Variants in YAE1 observed in about 807,000 individuals in gnomAD.
YAE1 encodes the protein protein YAE1 homolog.
A neutral mutation model predicts 23.0 loss-of-function variants in YAE1; 22 were observed. The observed-to-expected ratio is 0.96, with a 90% CI of 0.68 to 1.37. YAE1 has a LOEUF of 1.37. Ranked by LOEUF, YAE1 falls within the 40% of genes most tolerant of loss-of-function variation. The pLI is 0.00. For synonymous variants in YAE1, 101 were observed against 97.0 expected (o/e 1.04, Z -0.24); for missense variants, 260 against 262.1 (o/e 0.99, Z 0.06).
At chr7:39,610,016 G>A (rs1261198943) in exon 3 of YAE1, 2 of 1,500,928 alleles carry the variant, frequency 1.3e-6, no homozygotes, top group East Asian at 4.9e-5. Context: ...GGCAGCTTGT[G>A]CTTAGGAAAG....
At chr7:39,593,806 T>A (rs1790939073) in intron 2 of YAE1, among the ~76,000 whole-genome samples, 1 of 152,226 alleles carries the variant, frequency 6.6e-6, no homozygotes, top group South Asian at 2.1e-4. Context: ...TCCTATATGT[T>A]CATTCATTTA....
rs1238188859 is a variant in YAE1, at chr7:39,601,749, ACT to A, written c.252-7865_252-7864del. ...ACTCCAGCCTGGATGACAGAGCCAG[ACT>A]CTGTCTCAAAAAAAAAAAAAAAAAA... On this transcript the variant is annotated intron_variant, in intron 2 of 2. Transcript: ENST00000432096. Among the ~76,000 whole-genome samples, 8 of 112,088 alleles carry A rather than the reference ACT, an allele frequency of 7.1e-5. 1 individual carries two copies. The highest frequency in any genetic ancestry group is 1.5e-4 in the Non-Finnish European group (8 of 53,230). 73.5% of individuals were successfully genotyped at this position (112,088 alleles called of 152,430 possible). A position where few individuals can be genotyped will look rare whatever the true frequency, so the allele number is the denominator to read the frequency against.
chr7:39,604,975 GT>G (rs1481764755), intron 2 of YAE1, among the ~76,000 whole-genome samples: 1 of 152,216 alleles, frequency 6.6e-6, no homozygotes, highest in African/African-American at 2.4e-5. Context: ...ACTCTGAGTA[GT>G]TCCAAAGGTT....
downstream of YAE1, among the ~76,000 whole-genome samples, chr7:39,573,715 A>G (rs1489382373): frequency 6.6e-6 from 1 of 152,198 alleles, no homozygotes; most frequent in Admixed American, 6.5e-5. Flanking sequence ...CTGACAAAGT[A>G]TATCTTTTCA....
intron 2 of YAE1, among the ~76,000 whole-genome samples, chr7:39,602,614 A>G (rs1296082359): frequency 6.6e-6 from 1 of 152,250 alleles, no homozygotes; most frequent in Non-Finnish European, 1.5e-5. Flanking sequence ...TCATTCTTCT[A>G]AGGTGGAGTG....
chr7:39,573,021 T>C, downstream of YAE1: 4 of 528,258 alleles, frequency 7.6e-6, no homozygotes, highest in Non-Finnish European at 1.0e-5. Flanking sequence ...AAACATATTT[T>C]GTAAGGACCT....
downstream of YAE1, among the ~76,000 whole-genome samples, chr7:39,611,196 A>G (rs1583689671): frequency 6.6e-6 from 1 of 152,176 alleles, no homozygotes; most frequent in Non-Finnish European, 1.5e-5. Context: ...GGTTATGACA[A>G]TACAGTGAAA....
At chr7:39,592,474 T>G (rs964618077) in intron 2 of YAE1, among the ~76,000 whole-genome samples, 1 of 152,236 alleles carries the variant, frequency 6.6e-6, no homozygotes, top group Non-Finnish European at 1.5e-5. Flanking sequence ...ATGATAAATT[T>G]ATCTGTGATG....
chr7:39,586,596 G>T (rs1468963634), intron 2 of YAE1, among the ~76,000 whole-genome samples: 2 of 143,248 alleles, frequency 1.4e-5, no homozygotes, highest in Admixed American at 7.0e-5. Context: ...CTCCCAGGTT[G>T]ATGCCATTCT....
chr7:39,588,501 CAAAA>C (rs5883697), intron 2 of YAE1, among the ~76,000 whole-genome samples: 5 of 121,080 alleles, frequency 4.1e-5, no homozygotes, highest in Admixed American at 2.5e-4. Flanking sequence ...GACTCCATCT[CAAAA>C]AAAAAAAAAA....
At chr7:39,577,821 G>A (rs114372719), downstream of YAE1, among the ~76,000 whole-genome samples, 1,456 of 152,368 alleles carry the variant, frequency 9.6e-3, 19 homozygotes, top group African/African-American at 0.033. Context: ...CTCCGCCTGC[G>A]GCCCAGTGCA....
intron 2 of YAE1, 123 bp downstream of exon 2, chr7:39,570,750 G>A (rs998138028): frequency 1.4e-5 from 18 of 1,254,730 alleles, no homozygotes; most frequent in African/African-American, 1.4e-4. Flanking sequence ...AAAGCGTGTC[G>A]CAGATCATAG....
At chr7:39,605,432 T>C (rs536001028) in intron 2 of YAE1, among the ~76,000 whole-genome samples, 1 of 152,328 alleles carries the variant, frequency 6.6e-6, no homozygotes, top group African/African-American at 2.4e-5. Flanking sequence ...GTCCAAACAG[T>C]TGAAGGCCTG....
intron 1 of YAE1, 36 bp from the exon 2 acceptor site, chr7:39,570,470 T>C (rs770142195): frequency 5.0e-6 from 8 of 1,600,820 alleles, no homozygotes; most frequent in Non-Finnish European, 6.8e-6. Flanking sequence ...TGTATATACT[T>C]AGTTACAGCT....
rs1348377953 is a variant in YAE1, at chr7:39,566,502, C to T, written c.84C>T (p.Leu28=). The part of the protein sequence containing the change: ...DVFDEEADES[L]LAQREWQSNM... ...TTGACGAAGAAGCAGACGAGTCGCT[C>T]CTGGCGCAGCGGGAATGGCAGAGTA... Residue 28 remains leucine, a synonymous_variant, in exon 1 of 3, where the codon CTC becomes CTT. Transcript: ENST00000223273. 1.2e-6 allele frequency: 2 copies of T among 1,614,044 alleles called. No homozygotes were observed. Among genetic ancestry groups the T allele is most frequent in the Non-Finnish European group, 8.5e-7 (1 of 1,180,022 alleles).
At chr7:39,584,119 A>G (rs1192950526) in intron 2 of YAE1, among the ~76,000 whole-genome samples, 2 of 152,226 alleles carry the variant, frequency 1.3e-5, no homozygotes, top group African/African-American at 4.8e-5. Context: ...GGTAATTAGC[A>G]TGATTTCTCC....
chr7:39,591,536 G>T (rs1051009633), intron 2 of YAE1, among the ~76,000 whole-genome samples: 1 of 151,926 alleles, frequency 6.6e-6, no homozygotes, highest in Non-Finnish European at 1.5e-5. Context: ...TTTTGGAGAA[G>T]TTTAAGTTCA....
chr7:39,573,811 A>T (rs1790611140), downstream of YAE1, among the ~76,000 whole-genome samples: 1 of 152,216 alleles, frequency 6.6e-6, no homozygotes, highest in Admixed American at 6.5e-5. Flanking sequence ...ATTTAAAATC[A>T]GAAAGCCATA....
chr7:39,595,160 T>G (rs367992369), intron 2 of YAE1, among the ~76,000 whole-genome samples: 1 of 152,078 alleles, frequency 6.6e-6, no homozygotes, highest in East Asian at 1.9e-4. Flanking sequence ...ATAGGACTTC[T>G]GCTTGTTCTG....
Sources: allele counts gnomAD v4.1 joint callset (sites outside exome capture counted in the v4.1 genomes callset), GRCh38; gene constraint gnomAD v4.1.1; transcripts MANE v1.5; gene names NCBI Gene and HGNC (gene_info 2026-07-23, HGNC 2026-07-21).